Variants in NLGN3 observed in about 807,000 individuals in gnomAD.
NLGN3 encodes the protein neuroligin 3, also known as neuroligin-3.
A neutral mutation model predicts 42.9 loss-of-function variants in NLGN3; 11 were observed. That is an observed-to-expected ratio of 0.26 (90% CI 0.16 to 0.42). The LOEUF (loss-of-function observed/expected upper bound fraction) is 0.42. Ranked by LOEUF, NLGN3 falls within the 10% of genes least tolerant of loss-of-function variation. The pLI is 1.00. For synonymous variants in NLGN3, 279 were observed against 312.7 expected (o/e 0.89, Z 1.14); for missense variants, 374 against 733.8 (o/e 0.51, Z 5.67).
At chrX:71,164,568 G>A (rs1238519155) in intron 6 of NLGN3, among the ~76,000 whole-genome samples, 1 of 112,566 alleles carries the variant, frequency 8.9e-6, no homozygotes, top group Non-Finnish European at 1.9e-5. Flanking sequence ...TCTGATGTGG[G>A]AGTCTTATTT....
downstream of NLGN3, among the ~76,000 whole-genome samples, chrX:71,172,976 CTT>C (rs10615778): frequency 0.25 from 25,487 of 99,981 alleles, 4,827 homozygotes; most frequent in African/African-American, 0.63. Context: ...GATTATATGA[CTT>C]TTTTTTTTTT....
chrX:71,172,915 G>A (rs1395005269), downstream of NLGN3, among the ~76,000 whole-genome samples: 1 of 110,743 alleles, frequency 9.0e-6, no homozygotes, highest in Non-Finnish European at 1.9e-5. Flanking sequence ...TGAGTGAATG[G>A]CTACTAAGGG....
At chrX:71,148,799 T>G in intron 2 of NLGN3, 47 bp from the exon 3 acceptor site, 1 of 1,120,537 alleles carries the variant, frequency 8.9e-7, no homozygotes, top group Non-Finnish European at 1.2e-6. Flanking sequence ...TGCATGCCCC[T>G]GGGCAGAGGC....
downstream of NLGN3, among the ~76,000 whole-genome samples, chrX:71,174,108 TG>T (rs3833401): frequency 3.6e-4 from 40 of 111,984 alleles, no homozygotes; most frequent in East Asian, 0.011. Flanking sequence ...AGTTTTATGG[TG>T]GAAAAACAAA....
chrX:71,160,907 T>A (rs143131311), intron 5 of NLGN3, among the ~76,000 whole-genome samples: 100 of 111,935 alleles, frequency 8.9e-4, no homozygotes, highest in African/African-American at 3.0e-3. Context: ...CCAGGGAGAC[T>A]GGCTCCGATT....
rs745776839 is a variant in NLGN3 at position 71,147,983 on chromosome X, G to A, written c.234G>A (p.Pro78=). Residue 78 remains proline, a synonymous_variant, in exon 2 of 8, where the codon CCG becomes CCA. Coordinates refer to ENST00000358741, the MANE Select transcript of NLGN3 (RefSeq NM_181303.2). ...QYLGVPYAAP[P]IGEKRFLPPE... is the part of the protein sequence containing the mutation. ...TGGGGGTGCCCTACGCAGCTCCCCCGATCGGCGAGAAACGTTTCCTGCCCC... is the reference window on the plus strand; with the variant it reads ...TGGGGGTGCCCTACGCAGCTCCCCCAATCGGCGAGAAACGTTTCCTGCCCC... 5.0e-6 allele frequency: 6 copies of A among 1,205,648 alleles called. No homozygotes were observed. The highest frequency in any genetic ancestry group is 3.5e-5 in the African/African-American group (2 of 56,813).
intron 6 of NLGN3, among the ~76,000 whole-genome samples, chrX:71,166,686 G>A (rs2092448406): frequency 8.9e-6 from 1 of 111,761 alleles, no homozygotes; most frequent in Non-Finnish European, 1.9e-5. Context: ...AGCTGGGCAG[G>A]AAGCAAGAGG....
chrX:71,149,251 G>C (rs756966798), intron 3 of NLGN3, among the ~76,000 whole-genome samples: 46 of 111,619 alleles, frequency 4.1e-4, no homozygotes, highest in Non-Finnish European at 6.8e-4. Context: ...CCTTTTCCTA[G>C]TGGGTGGAGC....
At chrX:71,162,250 G>A (rs1443797285) in intron 5 of NLGN3, among the ~76,000 whole-genome samples, 1 of 110,679 alleles carries the variant, frequency 9.0e-6, no homozygotes, top group Non-Finnish European at 1.9e-5. Context: ...AGCCTCCTGA[G>A]TGGCTGGGAC....
chrX:71,166,170 G>A (rs2092446300), intron 6 of NLGN3, among the ~76,000 whole-genome samples: 1 of 110,666 alleles, frequency 9.0e-6, no homozygotes, highest in Non-Finnish European at 1.9e-5. Flanking sequence ...TAAAAGGAAA[G>A]TCTCTGCCAG....
At position 71,148,868 on chromosome X, in the gene NLGN3, C is replaced by G; in HGVS notation, c.480C>G (p.Cys160Trp). Residue 160 changes from cysteine (C) to tryptophan (W), a missense_variant, in exon 3 of 8, where the codon TGC becomes TGG. Physicochemically the swap from Cys to Trp is radical, Grantham distance 215 (BLOSUM62 -2). Around this residue, in one of 6 missense-constraint regions of NLGN3, gnomAD observed 109 missense variants for 173.3 expected, o/e 0.63. Coordinates refer to ENST00000358741, the MANE Select transcript of NLGN3 (RefSeq NM_181303.2). ...CAGTAAAGCGGATTTCCAAGGAATG[C>G]GCCCGAAAGCCCAACAAGAAAATTT... is the stretch of plus-strand genomic sequence containing the variant. ...TEDVKRISKE[C>W]ARKPNKKICR... 8.8e-7 allele frequency: 1 copy of G among 1,131,737 alleles called. No homozygotes were observed. The allele number at this position is 1,131,737 out of a possible 1,213,427, so 93.3% of individuals were successfully genotyped here.
At chrX:71,146,109 T>C (rs1173599852) in intron 1 of NLGN3, among the ~76,000 whole-genome samples, 1 of 63,064 alleles carries the variant, frequency 1.6e-5, no homozygotes, top group Non-Finnish European at 2.9e-5. Flanking sequence ...CCGCCCTCCC[T>C]CCTCTTCCTT....
intron 1 of NLGN3, among the ~76,000 whole-genome samples, 189 bp downstream of exon 1, chrX:71,145,153 A>G (rs1257624046): frequency 1.1e-5 from 1 of 90,076 alleles, no homozygotes; most frequent in East Asian, 3.4e-4. Flanking sequence ...CCTCCTCCCT[A>G]AATCCCGCAT....
Position 71,169,617 on chromosome X carries a change from G to T in NLGN3, c.2067G>T (p.Gly689=), listed in dbSNP as rs775084398. 1.7e-6 allele frequency: 2 copies of T among 1,212,005 alleles called. No homozygotes were observed. The highest frequency in any genetic ancestry group is 1.1e-6 in the Non-Finnish European group (1 of 895,490). The change falls in exon 8 of 8, where the codon GGG becomes GGT. Residue 689 remains glycine, a synonymous_variant. Coordinates refer to ENST00000358741, the MANE Select transcript of NLGN3 (RefSeq NM_181303.2). ...SNENAQGSWN[G]DQDAGPLLVE... ...AGAATGCCCAGGGGTCCTGGAACGG[G>T]GACCAGGATGCAGGGCCACTCCTGG...
In NLGN3 at chrX:71,164,344, G is replaced by T; in HGVS notation, c.913+16G>T. The T allele has an allele frequency of 8.3e-7, 1 of 1,206,745 alleles. No homozygotes were observed. Among genetic ancestry groups the T allele is most frequent in the Non-Finnish European group, 1.1e-6 (1 of 892,913 alleles). ...CACTCAGAGGGTGAGTAACTCGTGG[G>T]GCAAAACATGAACTAGCCAAGTGCC... On this transcript the variant is annotated intron_variant, in intron 6 of 7. Transcript: ENST00000358741.
At chrX:71,154,640 C>T (rs2092402130) in intron 4 of NLGN3, among the ~76,000 whole-genome samples, 1 of 111,827 alleles carries the variant, frequency 8.9e-6, no homozygotes, top group Non-Finnish European at 1.9e-5. Flanking sequence ...CAACAAGGTT[C>T]CCCCCACCCT....
At chrX:71,154,916 C>T (rs907823893) in intron 4 of NLGN3, among the ~76,000 whole-genome samples, 2 of 112,616 alleles carry the variant, frequency 1.8e-5, no homozygotes, top group Non-Finnish European at 3.8e-5. Flanking sequence ...CTTTCTGCTG[C>T]CCCCCGCCCC....
chrX:71,175,264 C>T (rs930022956), downstream of NLGN3, among the ~76,000 whole-genome samples: 1 of 111,473 alleles, frequency 9.0e-6, no homozygotes, highest in Non-Finnish European at 1.9e-5. Context: ...CCTTTTCCTT[C>T]CTTTTTTATG....
At chrX:71,154,856 G>A (rs2092403011) in intron 4 of NLGN3, among the ~76,000 whole-genome samples, 1 of 111,645 alleles carries the variant, frequency 9.0e-6, no homozygotes, top group South Asian at 3.7e-4. Context: ...GGACTCCTGG[G>A]TGCCCAGGGC....
Sources: gnomAD v4.1 joint callset for allele counts (sites outside exome capture counted in the v4.1 genomes callset) on GRCh38, gnomAD v4.1.1 for gene constraint, gnomAD v4.1.1 regional missense constraint, MANE v1.5 for transcripts, NCBI Gene and HGNC (gene_info 2026-07-23, HGNC 2026-07-21) for gene names.